SMYD3: variants seen among roughly 807,000 people sequenced by gnomAD.
SMYD3 encodes the protein histone-lysine N-methyltransferase SMYD3.
SMYD3 carries 36 observed loss-of-function variants against 57.7 expected under a neutral mutation model. The observed-to-expected ratio is 0.62, with a 90% CI of 0.48 to 0.82. The LOEUF (loss-of-function observed/expected upper bound fraction) is 0.82, where lower values mean the gene tolerates loss of function less well. Among genes scored for constraint, SMYD3 ranks in the 40% least tolerant of loss-of-function variants. The pLI is 0.00. For missense variants in SMYD3, 515 were observed against 538.8 expected, an observed-to-expected ratio of 0.96 and a Z score of 0.44; for synonymous variants, 211 against 195.0, an observed-to-expected ratio of 1.08 and a Z score of -0.68.
chr1:246,186,965 G>A (rs1326205938), intron 5 of SMYD3: 3 of 977,704 alleles, frequency 3.1e-6, no homozygotes, highest in Non-Finnish European at 3.6e-6. Context: ...AATGTAAAAT[G>A]AGGAAACACG....
chr1:246,372,688 T>A (rs1277109085), intron 1 of SMYD3, among the ~76,000 whole-genome samples: 1 of 152,174 alleles, frequency 6.6e-6, no homozygotes, highest in Admixed American at 6.5e-5. Flanking sequence ...CTGGCCAACA[T>A]GGCGAAACCC....
intron 5 of SMYD3, among the ~76,000 whole-genome samples, chr1:246,084,480 T>C (rs547173479): frequency 1.1e-4 from 16 of 152,240 alleles, no homozygotes; most frequent in Non-Finnish European, 5.9e-5. Flanking sequence ...CCTCTCAAAC[T>C]GCTAGGGTTA....
intron 5 of SMYD3, among the ~76,000 whole-genome samples, chr1:245,989,076 G>C (rs2058762065): frequency 6.6e-6 from 1 of 152,166 alleles, no homozygotes; most frequent in Non-Finnish European, 1.5e-5. Flanking sequence ...GGCTGGGAGT[G>C]GTGAGATGTA....
chr1:246,412,544 T>TC (rs1463351513), intron 1 of SMYD3, among the ~76,000 whole-genome samples: 2 of 152,144 alleles, frequency 1.3e-5, no homozygotes, highest in African/African-American at 4.8e-5. Context: ...CTGATTTTTT[T>TC]TTTTCAGTAA....
intron 5 of SMYD3, among the ~76,000 whole-genome samples, chr1:246,225,943 GA>G (rs1241740734): frequency 1.3e-5 from 2 of 152,168 alleles, no homozygotes; most frequent in Non-Finnish European, 2.9e-5. Flanking sequence ...GGAAATGGTG[GA>G]AACTTCATTA....
rs578030508 is a variant in SMYD3, at chr1:245,803,492, C to G, written c.1077-39343G>C. Among the ~76,000 whole-genome samples, 8 of 152,302 alleles carry G rather than the reference C, an allele frequency of 5.3e-5. No individual in the cohort carries two copies. In the South Asian group the frequency reaches 1.7e-3, roughly 32 times the overall value. Reference sequence around the variant, plus strand: ...ACAGTTTCATATGGTTAAATACACACAAAGCCCCCCAGTGGCTGGGGAAAG... The same window carrying G: ...ACAGTTTCATATGGTTAAATACACAGAAAGCCCCCCAGTGGCTGGGGAAAG... On this transcript the variant is annotated intron_variant, in intron 10 of 11. Coordinates refer to ENST00000490107, the MANE Select transcript of SMYD3 (RefSeq NM_001167740.2).
At chr1:246,253,190 C>T (rs2063823268) in intron 5 of SMYD3, among the ~76,000 whole-genome samples, 1 of 152,108 alleles carries the variant, frequency 6.6e-6, no homozygotes, top group Non-Finnish European at 1.5e-5. Flanking sequence ...TTACATGATG[C>T]TGAGGTTTGG....
At chr1:246,044,963 T>TGTG (rs1426515878) in intron 5 of SMYD3, among the ~76,000 whole-genome samples, 2 of 152,150 alleles carry the variant, frequency 1.3e-5, no homozygotes, top group African/African-American at 4.8e-5. Context: ...TACAAACCAC[T>TGTG]GCTCAACGAA....
At chr1:246,296,808 T>C (rs186012089) in intron 5 of SMYD3, among the ~76,000 whole-genome samples, 1 of 152,326 alleles carries the variant, frequency 6.6e-6, no homozygotes, top group Admixed American at 6.5e-5. Flanking sequence ...TAAACTCCTA[T>C]TTAAGTGATT....
chr1:246,266,505 A>G (rs1003420748), intron 5 of SMYD3, among the ~76,000 whole-genome samples: 14 of 152,230 alleles, frequency 9.2e-5, no homozygotes, highest in African/African-American at 3.4e-4. Context: ...GGTACAGAGT[A>G]GTTACTCAGT....
rs970015255 is a variant in SMYD3, at chr1:246,181,056, T to A, written c.531+146145A>T. Among the ~76,000 whole-genome samples the A allele has an allele frequency of 5.3e-5, 8 of 152,256 alleles. 1 individual carries two copies. Among genetic ancestry groups the A allele is most frequent in the Middle Eastern group, 6.8e-3 (2 of 294 alleles). ...ACTATGAAAATTACTATCATTCATC[T>A]CTCCACATGCATTCCCATCCTTGAG... On this transcript the variant is annotated intron_variant, in intron 5 of 11. Coordinates refer to ENST00000490107, the MANE Select transcript of SMYD3 (RefSeq NM_001167740.2).
intron 5 of SMYD3, among the ~76,000 whole-genome samples, chr1:246,168,527 C>G (rs572164962): frequency 1.3e-5 from 2 of 152,318 alleles, no homozygotes; most frequent in African/African-American, 4.8e-5. Context: ...GCTATACAGA[C>G]ACTCCACAGG....
chr1:246,470,508 A>AT (rs1558479669), intron 1 of SMYD3, among the ~76,000 whole-genome samples: 1 of 132,264 alleles, frequency 7.6e-6, no homozygotes, highest in South Asian at 2.3e-4. Flanking sequence ...ATAAAAAAAA[A>AT]TTAAAAAAAA....
At chr1:246,109,195 CT>C (rs1205042238) in intron 5 of SMYD3, among the ~76,000 whole-genome samples, 14 of 152,122 alleles carry the variant, frequency 9.2e-5, no homozygotes, top group African/African-American at 3.4e-4. Context: ...TAAAATGCAA[CT>C]CTAATAAAGA....
At chr1:246,363,225 G>GC (rs2066032388) in intron 1 of SMYD3, among the ~76,000 whole-genome samples, 1 of 149,788 alleles carries the variant, frequency 6.7e-6, no homozygotes, top group Non-Finnish European at 1.5e-5. Context: ...TCTCCGCCCG[G>GC]CAGCCACCCC....
chr1:245,873,975 C>T (rs771580874), intron 8 of SMYD3, among the ~76,000 whole-genome samples: 2 of 152,192 alleles, frequency 1.3e-5, no homozygotes, highest in Non-Finnish European at 2.9e-5. Flanking sequence ...GAAACTAATC[C>T]TTCCACTCCA....
intron 1 of SMYD3, among the ~76,000 whole-genome samples, chr1:246,506,040 G>A (rs1219683986): frequency 6.6e-6 from 1 of 152,200 alleles, no homozygotes; most frequent in Non-Finnish European, 1.5e-5. Context: ...TGAATCAAAT[G>A]AGAACAAAGT....
chr1:245,857,997 C>T (rs1242383079), intron 10 of SMYD3, among the ~76,000 whole-genome samples: 1 of 152,168 alleles, frequency 6.6e-6, no homozygotes, highest in African/African-American at 2.4e-5. Context: ...CTCCCTGGCT[C>T]ACAAGGTGAT....
At chr1:246,104,032 T>C (rs374010306) in intron 5 of SMYD3, among the ~76,000 whole-genome samples, 2 of 152,236 alleles carry the variant, frequency 1.3e-5, no homozygotes, top group East Asian at 3.9e-4. Flanking sequence ...CTGTAGCATT[T>C]ATCTTATACG....
Sources: gnomAD v4.1 joint callset for allele counts (sites outside exome capture counted in the v4.1 genomes callset) on GRCh38, gnomAD v4.1.1 for gene constraint, MANE v1.5 for transcripts, NCBI Gene and HGNC (gene_info 2026-07-23, HGNC 2026-07-21) for gene names.